DMRT3: variants seen among roughly 807,000 people sequenced by gnomAD.
DMRT3 encodes the protein doublesex and mab-3 related transcription factor 3, also known as doublesex- and mab-3-related transcription factor 3.
A neutral mutation model predicts 34.9 loss-of-function variants in DMRT3; 29 were observed. That is an observed-to-expected ratio of 0.83 (90% CI 0.62 to 1.13). The LOEUF (loss-of-function observed/expected upper bound fraction) is 1.13. DMRT3 is among the 50% of genes most tolerant of loss of function. The pLI is 0.00. For missense variants in DMRT3, 772 were observed against 629.1 expected (o/e 1.23, Z -2.43); for synonymous variants, 350 against 286.0 (o/e 1.22, Z -2.26).
At position 981,191 on chromosome 9, in the gene DMRT3, C is replaced by G. The variant is rs146423884; in HGVS notation, c.454+3736C>G. On this transcript the variant is annotated intron_variant, in intron 1 of 1. Coordinates refer to ENST00000190165, the MANE Select transcript of DMRT3 (RefSeq NM_021240.4). Reference sequence around the variant, plus strand: ...TTTATTTTTTCCTCTTGCCCTGCGCCTCCTAGCATCTTTATGCTTGCCTCT... The same window carrying G: ...TTTATTTTTTCCTCTTGCCCTGCGCGTCCTAGCATCTTTATGCTTGCCTCT... 1.5e-3 allele frequency among the ~76,000 whole-genome samples: 221 copies of G among 152,142 alleles called. 1 individual carries two copies. Among genetic ancestry groups the G allele is most frequent in the Non-Finnish European group, 2.7e-3 (182 of 68,020 alleles).
chr9:983,908 G>GTT (rs33987544), intron 1 of DMRT3, among the ~76,000 whole-genome samples: 7,583 of 141,292 alleles, frequency 0.054, 404 homozygotes, highest in African/African-American at 0.14. Flanking sequence ...AGCATGGCTA[G>GTT]TTTTTTTTTT....
At chr9:979,101 A>G (rs1449508167) in intron 1 of DMRT3, among the ~76,000 whole-genome samples, 1 of 152,036 alleles carries the variant, frequency 6.6e-6, no homozygotes, top group Non-Finnish European at 1.5e-5. Flanking sequence ...TCAGAGGTTA[A>G]CTCAGCAGCA....
rs151119715 is a variant in DMRT3 at position 990,626 on chromosome 9, G to A, written c.1040G>A (p.Ser347Asn). The A allele has an allele frequency of 1.2e-6, 2 of 1,614,106 alleles. No homozygotes were observed. Among genetic ancestry groups the A allele is most frequent in the South Asian group, 2.2e-5 (2 of 91,076 alleles). ...ACGTTGAGGTTTTCTGCCGACTCTAGCAACGTTGTCCCCAGTCCCTTGGCT... is the reference window on the plus strand; with the variant it reads ...ACGTTGAGGTTTTCTGCCGACTCTAACAACGTTGTCCCCAGTCCCTTGGCT... Reference protein sequence around the residue: ...PDTLRFSADSSNVVPSPLAGP... With the variant: ...PDTLRFSADSNNVVPSPLAGP... Residue 347 changes from serine to asparagine, a missense_variant, in exon 2 of 2, where the codon AGC (serine) becomes AAC (asparagine). Transcript: ENST00000190165.
chr9:976,979 C>A lies in DMRT3; in HGVS notation c.-23C>A. 1 of 1,461,986 alleles carries A rather than the reference C, an allele frequency of 6.8e-7. No individual in the cohort carries two copies. Among genetic ancestry groups the A allele is most frequent in the South Asian group, 1.4e-5 (1 of 72,472 alleles). The allele number at this position is 1,461,986 out of a possible 1,614,324, so 90.6% of individuals were successfully genotyped here. The stretch of plus-strand genomic sequence containing the variant: ...TGGCCCTCTCCCGCAGCCAGGCTGC[C>A]AACTCATTCGGGAGCCCGGGGCATG... On this transcript the variant is annotated 5_prime_UTR_variant, in exon 1 of 2. Coordinates refer to ENST00000190165, the MANE Select transcript of DMRT3 (RefSeq NM_021240.4). The surrounding 1 kb of genome is among the most constrained non-coding windows in gnomAD (Gnocchi z 4.5).
At chr9:981,817 G>A (rs1198442817) in intron 1 of DMRT3, among the ~76,000 whole-genome samples, 1 of 152,108 alleles carries the variant, frequency 6.6e-6, no homozygotes, top group African/African-American at 2.4e-5. Flanking sequence ...GCTTCTCGCC[G>A]CCTGCTGGGG....
intron 1 of DMRT3, among the ~76,000 whole-genome samples, chr9:983,272 A>C (rs1820243507): frequency 6.6e-6 from 1 of 152,150 alleles, no homozygotes; most frequent in South Asian, 2.1e-4. Flanking sequence ...GCAGACATAA[A>C]TTTTACAGAG....
intron 1 of DMRT3, among the ~76,000 whole-genome samples, chr9:979,586 T>A (rs1414565507): frequency 1.3e-5 from 2 of 152,148 alleles, no homozygotes; most frequent in African/African-American, 4.8e-5. Flanking sequence ...TCACTTGCTG[T>A]GACCCCATAA....
intron 1 of DMRT3, among the ~76,000 whole-genome samples, chr9:983,797 C>T (rs142079727): frequency 6.6e-6 from 1 of 152,278 alleles, no homozygotes; most frequent in Non-Finnish European, 1.5e-5. Flanking sequence ...CAGCCCAGTC[C>T]TGTCTATAGC....
chr9:977,227 C>CGGG lies in DMRT3; in HGVS notation c.228_229insGGG (p.Arg76_Gln77insGly). The CGGG allele has an allele frequency of 1.9e-6, 3 of 1,600,946 alleles. No individual in the cohort carries two copies. Among genetic ancestry groups the CGGG allele is most frequent in the Non-Finnish European group, 2.6e-6 (3 of 1,173,954 alleles). ...CATGGCTGCGCAGGTGGCGCTGCGC[C>CGGG]GGCAGCAGGCCAACGAGAGCTTGGA... On this transcript the variant is annotated inframe_insertion, in exon 1 of 2. Coordinates refer to ENST00000190165, the MANE Select transcript of DMRT3 (RefSeq NM_021240.4).
intron 1 of DMRT3, among the ~76,000 whole-genome samples, chr9:978,085 T>TA (rs1206202975): frequency 6.6e-6 from 1 of 152,136 alleles, no homozygotes; most frequent in Non-Finnish European, 1.5e-5. Flanking sequence ...TTAGCAATGA[T>TA]AGTAAAAGGG....
In DMRT3 at chr9:990,184, G is replaced by C. The variant is rs149469082; in HGVS notation, c.598G>C (p.Val200Leu). 2.5e-6 allele frequency: 4 copies of C among 1,614,028 alleles called. No homozygotes were observed. Among genetic ancestry groups the C allele is most frequent in the Non-Finnish European group, 3.4e-6 (4 of 1,180,004 alleles). ...FTPESPEIVS[V>L]EEGGYAVQKN... ...CCCTGAGAGCCCTGAGATAGTGTCC[G>C]TGGAGGAAGGGGGATACGCTGTCCA... Residue 200 changes from valine to leucine, a missense_variant, in exon 2 of 2, where the codon GTG becomes CTG. Physicochemically the swap from Val to Leu is conservative, Grantham distance 32 (BLOSUM62 1). Transcript: ENST00000190165.
intron 1 of DMRT3, among the ~76,000 whole-genome samples, chr9:985,722 T>C (rs2130068249): frequency 6.6e-6 from 1 of 152,364 alleles, no homozygotes; most frequent in East Asian, 1.9e-4. Context: ...TGAGGAGTTA[T>C]TCTTGGTGCA....
chr9:982,501 AG>A (rs1820234376), intron 1 of DMRT3, among the ~76,000 whole-genome samples: 1 of 152,224 alleles, frequency 6.6e-6, no homozygotes, highest in Non-Finnish European at 1.5e-5. Flanking sequence ...TAATCACAGG[AG>A]GACAGTGTGA....
Position 977,058 on chromosome 9 carries a change from A to ACGGGCGCCCCTGCAG in DMRT3, c.60_74dup (p.Ala21_Arg25dup). The ACGGGCGCCCCTGCAG allele has an allele frequency of 6.3e-7, 1 of 1,575,670 alleles. No individual in the cohort carries two copies. Among genetic ancestry groups the ACGGGCGCCCCTGCAG allele is most frequent in the African/African-American group, 1.4e-5 (1 of 73,430 alleles). On this transcript the variant is annotated inframe_insertion, in exon 1 of 2. Coordinates refer to ENST00000190165, the MANE Select transcript of DMRT3 (RefSeq NM_021240.4). ...TGGGCGGCCCGGTGTCGCAGCCGCC[A>ACGGGCGCCCCTGCAG]CGGGCGCCCCTGCAGCGCACGCCCA...
Position 990,630 on chromosome 9 carries a change from C to T in DMRT3, c.1044C>T (p.Asn348=), listed in dbSNP as rs749544345. 2.3e-5 allele frequency: 37 copies of T among 1,614,166 alleles called. No individual in the cohort carries two copies. Among genetic ancestry groups the T allele is most frequent in the Non-Finnish European group, 2.1e-5 (25 of 1,180,022 alleles). Residue 348 remains asparagine (N), a synonymous_variant, in exon 2 of 2, where the codon AAC becomes AAT. Transcript: ENST00000190165. ...TGAGGTTTTCTGCCGACTCTAGCAA[C>T]GTTGTCCCCAGTCCCTTGGCTGGGC... ...DTLRFSADSS[N]VVPSPLAGPL...
At chr9:981,632 C>G (rs917631472) in intron 1 of DMRT3, among the ~76,000 whole-genome samples, 5 of 152,342 alleles carry the variant, frequency 3.3e-5, no homozygotes, top group African/African-American at 1.2e-4. Context: ...GGCCGGTTTG[C>G]ACGCAGTGCA....
In DMRT3 at chr9:991,020, G is replaced by T; in HGVS notation, c.*15G>T. ...CATCATCTTAAAGTGGTGCTGGATG[G>T]GTGGTGGCCAGGTGACATTTTCTGT... is the stretch of plus-strand genomic sequence containing the variant. On this transcript the variant is annotated 3_prime_UTR_variant, in exon 2 of 2. Transcript: ENST00000190165. 6.3e-7 allele frequency: 1 copy of T among 1,592,028 alleles called. No homozygotes were observed. Among genetic ancestry groups the T allele is most frequent in the South Asian group, 1.1e-5 (1 of 88,662 alleles).
chr9:985,206 A>C (rs1473425114), intron 1 of DMRT3, among the ~76,000 whole-genome samples: 1 of 152,242 alleles, frequency 6.6e-6, no homozygotes, highest in Non-Finnish European at 1.5e-5. Context: ...CAATAGAAAC[A>C]GCATATTGTA....
At position 976,819 on chromosome 9, in the gene DMRT3, G is replaced by A; in HGVS notation, c.-183G>A. The A allele has an allele frequency of 2.1e-6, 1 of 486,750 alleles. No homozygotes were observed. The highest frequency in any genetic ancestry group is 3.3e-6 in the Non-Finnish European group (1 of 305,520). The allele number at this position is 486,750 out of a possible 1,614,324, so 30.2% of individuals were successfully genotyped here. A position where few individuals can be genotyped will look rare whatever the true frequency, so the allele number is the denominator to read the frequency against. ...TGGGAGGCCGAGCTGTGAGCGCGAA[G>A]GGAGCTGGAGAGACGACTGCGGCAC... On this transcript the variant is annotated 5_prime_UTR_variant, in exon 1 of 2. Coordinates refer to ENST00000190165, the MANE Select transcript of DMRT3 (RefSeq NM_021240.4). The surrounding 1 kb of genome is among the most constrained non-coding windows in gnomAD (Gnocchi z 4.5).
Sources: gnomAD v4.1 joint callset for allele counts (sites outside exome capture counted in the v4.1 genomes callset) on GRCh38, gnomAD v4.1.1 for gene constraint, Gnocchi (gnomAD v3.1) non-coding constraint, MANE v1.5 for transcripts, NCBI Gene and HGNC (gene_info 2026-07-23, HGNC 2026-07-21) for gene names.